The following NT5M variants were observed in gnomAD, a reference collection of about 807,000 sequenced individuals.
NT5M encodes 5'(3')-deoxyribonucleotidase, mitochondrial.
A neutral mutation model predicts 22.2 loss-of-function variants in NT5M; 22 were observed. The ratio of observed to expected loss-of-function variants is 0.99; its 90% CI spans 0.71 to 1.41. The LOEUF is 1.41. Ranked by LOEUF, NT5M falls within the 40% of genes most tolerant of loss-of-function variation. NT5M has a pLI of 0.00. For missense variants in NT5M, 322 were observed against 314.8 expected, an observed-to-expected ratio of 1.02 and a Z score of -0.17; for synonymous variants, 167 against 133.0, an observed-to-expected ratio of 1.26 and a Z score of -1.76.
intron 4 of NT5M, among the ~76,000 whole-genome samples, chr17:17,345,586 A>G (rs909909384): frequency 1.3e-5 from 2 of 149,076 alleles, no homozygotes; most frequent in African/African-American, 5.0e-5. Context: ...GTTTGAGCCT[A>G]GGAGTTGGAG....
chr17:17,343,682 G>A (rs2049696799), intron 3 of NT5M, among the ~76,000 whole-genome samples: 1 of 152,118 alleles, frequency 6.6e-6, no homozygotes, highest in Admixed American at 6.5e-5. Flanking sequence ...GTGCAGCCTG[G>A]GCCACTCAGT....
Position 17,306,617 on chromosome 17 carries a change from T to C in NT5M, c.342T>C (p.Ala114=), listed in dbSNP as rs574035344. 5 of 1,613,976 alleles carry C rather than the reference T, an allele frequency of 3.1e-6. No homozygotes were observed. In the South Asian group the frequency reaches 3.3e-5, roughly 11 times the overall value. Residue 114 remains alanine, a synonymous_variant, in exon 2 of 5, where the codon GCT becomes GCC. Coordinates refer to ENST00000389022, the MANE Select transcript of NT5M (RefSeq NM_020201.4). ...AGCCTCTGCCAGGGGCCGTGGAAGC[T>C]GTCAAGGAGATGGCCAGCCTACAAA... ...ELEPLPGAVE[A]VKEMASLQNT...
chr17:17,330,740 T>C (rs1435298019), intron 3 of NT5M, among the ~76,000 whole-genome samples: 2 of 129,984 alleles, frequency 1.5e-5, no homozygotes, highest in African/African-American at 5.9e-5. Flanking sequence ...CTTTCTTTCT[T>C]TCTTTTTTTT....
intron 3 of NT5M, among the ~76,000 whole-genome samples, chr17:17,328,069 C>T (rs1041359585): frequency 2.3e-4 from 35 of 152,094 alleles, no homozygotes; most frequent in African/African-American, 7.2e-4. Flanking sequence ...AGGTAGGGTT[C>T]GGGTATATAT....
chr17:17,317,728 G>C (rs2049060787), intron 2 of NT5M, among the ~76,000 whole-genome samples: 1 of 152,108 alleles, frequency 6.6e-6, no homozygotes, highest in Non-Finnish European at 1.5e-5. Context: ...ACTTTGGAAG[G>C]CCATGGAGGG....
intron 3 of NT5M, among the ~76,000 whole-genome samples, chr17:17,342,000 C>T (rs899408700): frequency 6.6e-6 from 1 of 151,322 alleles, no homozygotes; most frequent in Admixed American, 6.6e-5. Flanking sequence ...CATTGCACTC[C>T]AGCCTGGGCG....
At chr17:17,305,394 G>GCCCCCCCCCCCCC (rs34579357) in intron 1 of NT5M, among the ~76,000 whole-genome samples, 86 of 74,138 alleles carry the variant, frequency 1.2e-3, no homozygotes, top group Non-Finnish European at 1.4e-3. Context: ...TAAAACAACC[G>GCCCCCCCCCCCCC]CCCCCCCCCC....
chr17:17,321,069 T>C (rs1162621241), intron 2 of NT5M, among the ~76,000 whole-genome samples: 1 of 151,742 alleles, frequency 6.6e-6, no homozygotes. Flanking sequence ...AGCTGGAATG[T>C]GGGGGTCAAG....
At chr17:17,322,435 G>T (rs2049170444) in intron 2 of NT5M, among the ~76,000 whole-genome samples, 1 of 152,126 alleles carries the variant, frequency 6.6e-6, no homozygotes, top group African/African-American at 2.4e-5. Context: ...TTTAGGAGAG[G>T]GGATTGCGTG....
rs918563303 is a variant in NT5M, at chr17:17,345,193, G to C, written c.544+285G>C. ...GCCTTGTCTTCCTCATGTAACATGG[G>C]GACTCAACTCTGGTTTCCAAATGTT... On this transcript the variant is annotated intron_variant, in intron 4 of 4. Transcript: ENST00000389022. 2.6e-6 allele frequency: 3 copies of C among 1,164,700 alleles called. No homozygotes were observed. In the African/African-American group the frequency reaches 4.6e-5, roughly 18 times the overall value. 72.1% of individuals were successfully genotyped at this position (1,164,700 alleles called of 1,614,324 possible). A position where few individuals can be genotyped will look rare whatever the true frequency, so the allele number is the denominator to read the frequency against.
intron 3 of NT5M, among the ~76,000 whole-genome samples, chr17:17,331,006 TG>T (rs1015734547): frequency 1.3e-5 from 2 of 151,660 alleles, no homozygotes; most frequent in Non-Finnish European, 2.9e-5. Context: ...CCTCCCAAAG[TG>T]CTAGGATTAC....
chr17:17,335,821 C>T (rs1245500347), intron 3 of NT5M, among the ~76,000 whole-genome samples: 4 of 151,806 alleles, frequency 2.6e-5, no homozygotes, highest in Non-Finnish European at 5.9e-5. Flanking sequence ...TTAGTAGAGA[C>T]GGGGTTTTGC....
chr17:17,303,757 G>A lies in NT5M; in HGVS notation c.207G>A (p.Leu69=), dbSNP rs1342914518. 5 of 1,587,926 alleles carry A rather than the reference G, an allele frequency of 3.1e-6. No homozygotes were observed. The Admixed American group carries it at 8.6e-5, about 27-fold the overall frequency. ...TTCCCGACCAGCCCTTCATCGCGCT[G>A]GAGGACCGGCGCGGCTTCTGGGTGT... ...ARFPDQPFIA[L]EDRRGFWVSE... The change falls in exon 1 of 5, where the codon CTG becomes CTA. Residue 69 remains leucine (L), a synonymous_variant. Transcript: ENST00000389022.
intron 3 of NT5M, among the ~76,000 whole-genome samples, chr17:17,330,961 T>C (rs2049372416): frequency 6.6e-6 from 1 of 151,398 alleles, no homozygotes; most frequent in Non-Finnish European, 1.5e-5. Context: ...CAGGCTAGTC[T>C]TGAACTCCTG....
chr17:17,340,390 AG>A (rs2049612174), intron 3 of NT5M, among the ~76,000 whole-genome samples: 1 of 151,992 alleles, frequency 6.6e-6, no homozygotes, highest in South Asian at 2.1e-4. Context: ...GTCTGGCTAA[AG>A]GTTTGTCATT....
chr17:17,329,036 G>A (rs906285061), intron 3 of NT5M, among the ~76,000 whole-genome samples: 1 of 152,118 alleles, frequency 6.6e-6, no homozygotes, highest in Non-Finnish European at 1.5e-5. Flanking sequence ...GGAGTGCAGT[G>A]GCGTGATCTT....
chr17:17,317,406 A>G (rs932588609), intron 2 of NT5M, among the ~76,000 whole-genome samples: 3 of 152,226 alleles, frequency 2.0e-5, no homozygotes, highest in African/African-American at 7.2e-5. Flanking sequence ...CATTTTTCCA[A>G]TGAAGATATA....
At chr17:17,316,746 C>T (rs1214029450) in intron 2 of NT5M, among the ~76,000 whole-genome samples, 1 of 146,950 alleles carries the variant, frequency 6.8e-6, no homozygotes, top group African/African-American at 2.5e-5. Flanking sequence ...GATGGAGTCT[C>T]GCTCTGTTGC....
chr17:17,304,203 T>G (rs2048742718), intron 1 of NT5M, among the ~76,000 whole-genome samples: 1 of 151,650 alleles, frequency 6.6e-6, no homozygotes, highest in South Asian at 2.1e-4. Context: ...TCCCCAGGAC[T>G]TTGATGGGTG....
Sources: gnomAD v4.1 joint callset for allele counts (sites outside exome capture counted in the v4.1 genomes callset) on GRCh38, gnomAD v4.1.1 for gene constraint, MANE v1.5 for transcripts, NCBI Gene and HGNC (gene_info 2026-07-23, HGNC 2026-07-21) for gene names.